ARHGAP5: variants seen among roughly 807,000 people sequenced by gnomAD.
ARHGAP5 encodes the protein rho GTPase-activating protein 5.
Under a neutral mutation model 116.6 loss-of-function variants are expected in ARHGAP5, and 23 were observed. The ratio of observed to expected loss-of-function variants is 0.20; its 90% CI spans 0.14 to 0.28. ARHGAP5 has a LOEUF of 0.28. Among genes scored for constraint, ARHGAP5 ranks in the 10% least tolerant of loss-of-function variants. ARHGAP5 has a pLI of 1.00. For missense variants in ARHGAP5, 1,405 were observed against 1,774.8 expected (o/e 0.79, Z 3.74); for synonymous variants, 574 against 602.0 (o/e 0.95, Z 0.68).
At chr14:32,142,705 T>C (rs1373193581) in intron 3 of ARHGAP5, among the ~76,000 whole-genome samples, 2 of 152,216 alleles carry the variant, frequency 1.3e-5, no homozygotes, top group Non-Finnish European at 2.9e-5. Flanking sequence ...ACACCCACAG[T>C]GCAGGCTACT....
At chr14:32,136,465 A>G (rs892866985) in intron 3 of ARHGAP5, among the ~76,000 whole-genome samples, 2 of 152,194 alleles carry the variant, frequency 1.3e-5, no homozygotes, top group African/African-American at 4.8e-5. Flanking sequence ...TTTATGATTT[A>G]TAAATTCCAT....
rs1264060641 is a variant in ARHGAP5 at position 32,106,803 on chromosome 14, T to C, written c.3718-10337T>C. Among the ~76,000 whole-genome samples the C allele has an allele frequency of 4.6e-5, 7 of 152,294 alleles. No individual in the cohort carries two copies. In the South Asian group the frequency reaches 1.4e-3, roughly 32 times the overall value. ...GTTGTGAAGATTAAGATTATGCACA[T>C]AGTATTAACAAGTGCCTAATAGATA... On this transcript the variant is annotated intron_variant, in intron 2 of 6. Transcript: ENST00000345122.
In ARHGAP5 at chr14:32,093,742, C is replaced by G. The variant is rs774560328; in HGVS notation, c.3073C>G (p.Pro1025Ala). The change falls in exon 2 of 7, where the codon CCA becomes GCA. Residue 1025 changes from proline to alanine, a missense_variant. Pro to Ala is a conservative substitution (Grantham distance 27). This residue lies in a region of ARHGAP5 where 944 missense variants were observed against 1,095.3 expected (regional missense o/e 0.86). Transcript: ENST00000345122. ...AAATGAGTATCCTATTCATAGTACC[C>G]CAAACTGTCATGACCATGAACGCAA... ...EGNEYPIHST[P>A]NCHDHERNHK... is the part of the protein sequence containing the mutation. 10 of 1,613,872 alleles carry G rather than the reference C, an allele frequency of 6.2e-6. No homozygotes were observed. The highest frequency in any genetic ancestry group is 8.5e-6 in the Non-Finnish European group (10 of 1,179,980).
chr14:32,144,904 A>G (rs189409467), intron 3 of ARHGAP5, among the ~76,000 whole-genome samples: 2 of 152,364 alleles, frequency 1.3e-5, no homozygotes, highest in Admixed American at 1.3e-4. Flanking sequence ...AGTCCTGTTC[A>G]ATAATTCCAT....
chr14:32,128,891 G>A (rs1372719002), intron 3 of ARHGAP5, among the ~76,000 whole-genome samples: 1 of 152,228 alleles, frequency 6.6e-6, no homozygotes, highest in African/African-American at 2.4e-5. Context: ...GAGTTAGGAA[G>A]TGTTTCTACT....
At position 32,147,307 on chromosome 14, in the gene ARHGAP5, A is replaced by G. The variant is rs1881423035; in HGVS notation, c.3943+967A>G. On this transcript the variant is annotated intron_variant, in intron 4 of 6. Transcript: ENST00000345122. The stretch of plus-strand genomic sequence containing the variant: ...ACATGCTAAAATTTTACAAAAATGT[A>G]AAAATTCTGTATGACATGTGGCTAA... 2.0e-5 allele frequency among the ~76,000 whole-genome samples: 3 copies of G among 152,222 alleles called. No individual in the cohort carries two copies. The East Asian group carries it at 5.8e-4, about 29-fold the overall frequency.
At chr14:32,077,833 G>C (rs947415387) in intron 1 of ARHGAP5, among the ~76,000 whole-genome samples, 6 of 152,170 alleles carry the variant, frequency 3.9e-5, no homozygotes, top group African/African-American at 1.4e-4. Context: ...TGGCCGGGTT[G>C]CTGCTGTTAA....
intron 2 of ARHGAP5, among the ~76,000 whole-genome samples, chr14:32,116,583 A>T (rs780871399): frequency 6.6e-6 from 1 of 152,184 alleles, no homozygotes; most frequent in Non-Finnish European, 1.5e-5. Flanking sequence ...ACAGAGTGAG[A>T]CTCCATCTCA....
chr14:32,087,747 A>G (rs1419675606), intron 1 of ARHGAP5, among the ~76,000 whole-genome samples: 1 of 152,044 alleles, frequency 6.6e-6, no homozygotes, highest in Non-Finnish European at 1.5e-5. Context: ...CCTGTATCTA[A>G]TGGGCATTTT....
chr14:32,114,232 A>C (rs1879447277), intron 2 of ARHGAP5, among the ~76,000 whole-genome samples: 1 of 152,090 alleles, frequency 6.6e-6, no homozygotes, highest in Admixed American at 6.6e-5. Context: ...CGTCTCAAAA[A>C]AAAAAAAAAT....
chr14:32,146,399 C>T, intron 4 of ARHGAP5, 59 bp downstream of exon 4: 1 of 1,239,136 alleles, frequency 8.1e-7, no homozygotes, highest in Non-Finnish European at 1.2e-6. Context: ...TGTTAGAATT[C>T]ATGGTGAGAA....
chr14:32,117,140 C>G lies in ARHGAP5; in HGVS notation c.3718C>G (p.Gln1240Glu). The G allele has an allele frequency of 6.3e-7, 1 of 1,587,350 alleles. No homozygotes were observed. Among genetic ancestry groups the G allele is most frequent in the Non-Finnish European group, 8.6e-7 (1 of 1,166,664 alleles). The change falls in exon 3 of 7, where the codon CAG (glutamine) becomes GAG (glutamate). Residue 1240 changes from glutamine to glutamate, a missense_variant and splice_region_variant. This residue lies in a region of ARHGAP5 where 176 missense variants were observed against 221.2 expected (regional missense o/e 0.80). Coordinates refer to ENST00000345122, the MANE Select transcript of ARHGAP5 (RefSeq NM_001030055.2). ...KTHKVKEDKK[Q>E]KKKTKNFNPP... ...TTAACTTAAATATGTTTTCTTATAG[C>G]AGAAAAAGAAAACTAAGAACTTCAA...
chr14:32,136,727 A>T (rs1880824835), intron 3 of ARHGAP5, among the ~76,000 whole-genome samples: 1 of 152,218 alleles, frequency 6.6e-6, no homozygotes, highest in African/African-American at 2.4e-5. Flanking sequence ...TCTTATCAGC[A>T]GTGTACAGGT....
Position 32,091,906 on chromosome 14 carries a change from G to C in ARHGAP5, c.1237G>C (p.Val413Leu), listed in dbSNP as rs754027002. ...CCTGAGCACTTTAGAAGCTGAAAAA[G>C]TCTATCAGAACCATGTACAGCATCT... ...DLLSTLEAEK[V>L]YQNHVQHLIS... The change falls in exon 2 of 7, where the codon GTC becomes CTC. Residue 413 changes from valine (V) to leucine (L), a missense_variant. This residue lies in a region of ARHGAP5 where 944 missense variants were observed against 1,095.3 expected (regional missense o/e 0.86). Coordinates refer to ENST00000345122, the MANE Select transcript of ARHGAP5 (RefSeq NM_001030055.2). 6.2e-7 allele frequency: 1 copy of C among 1,613,532 alleles called. No individual in the cohort carries two copies. The highest frequency in any genetic ancestry group is 8.5e-7 in the Non-Finnish European group (1 of 1,179,646).
intron 6 of ARHGAP5, 83 bp downstream of exon 6, chr14:32,152,611 A>G: frequency 2.7e-6 from 2 of 744,402 alleles, no homozygotes; most frequent in African/African-American, 3.7e-5. Flanking sequence ...TTGGATAATT[A>G]TCAGATAGAA....
rs1328213097 is a variant in ARHGAP5, at chr14:32,092,961, G to C, written c.2292G>C (p.Val764=). 6.2e-7 allele frequency: 1 copy of C among 1,614,016 alleles called. No homozygotes were observed. Among genetic ancestry groups the C allele is most frequent in the South Asian group, 1.1e-5 (1 of 91,074 alleles). ...LESVKHNLDV[V]SPIPANKDLS... ...CAGTTAAACACAATTTGGATGTGGT[G>C]AGCCCAATTCCTGCCAATAAGGACT... The change falls in exon 2 of 7, where the codon GTG becomes GTC. Residue 764 remains valine, a synonymous_variant. Transcript: ENST00000345122. This position sits in a 1 kb window ranked among gnomAD's most constrained non-coding sequence, Gnocchi z 4.1.
In ARHGAP5 at chr14:32,157,685, A is replaced by T. The variant is rs1312254158; in HGVS notation, c.*2737A>T. ...GCACAATATATTTTTTTTAAATGGT[A>T]TTTGTTAGTAGTGCTTCTTCCCCTT... On this transcript the variant is annotated 3_prime_UTR_variant, in exon 7 of 7. Coordinates refer to ENST00000345122, the MANE Select transcript of ARHGAP5 (RefSeq NM_001030055.2). The T allele has an allele frequency of 6.6e-6, 1 of 151,804 alleles. No homozygotes were observed. Among genetic ancestry groups the T allele is most frequent in the Non-Finnish European group, 1.5e-5 (1 of 67,730 alleles). The allele number at this position is 151,804 out of a possible 1,614,324, so 9.4% of individuals were successfully genotyped here. A position where few individuals can be genotyped will look rare whatever the true frequency, so the allele number is the denominator to read the frequency against.
intron 3 of ARHGAP5, among the ~76,000 whole-genome samples, chr14:32,128,076 T>A (rs887394189): frequency 6.1e-5 from 9 of 146,996 alleles, no homozygotes; most frequent in African/African-American, 2.3e-4. Context: ...GCTCCTCACA[T>A]CCCAGACAGG....
chr14:32,134,811 A>G (rs17091619), intron 3 of ARHGAP5, among the ~76,000 whole-genome samples: 3,192 of 152,324 alleles, frequency 0.021, 125 homozygotes, highest in African/African-American at 0.072. Context: ...TGAGTAATTT[A>G]TAGCCATTCC....
Sources: gnomAD v4.1 joint callset for allele counts (sites outside exome capture counted in the v4.1 genomes callset) on GRCh38, gnomAD v4.1.1 for gene constraint, gnomAD v4.1.1 regional missense constraint, Gnocchi (gnomAD v3.1) non-coding constraint, MANE v1.5 for transcripts, NCBI Gene and HGNC (gene_info 2026-07-23, HGNC 2026-07-21) for gene names.